Variants in UBFD1 observed in about 807,000 individuals in gnomAD.
The protein encoded by UBFD1 is ubiquitin family domain containing 1.
UBFD1 carries 12 observed loss-of-function variants against 35.1 expected under a neutral mutation model. The observed-to-expected ratio is 0.34, with a 90% confidence interval of 0.22 to 0.55. The LOEUF (loss-of-function observed/expected upper bound fraction) is 0.55. Among genes scored for constraint, UBFD1 ranks in the 20% least tolerant of loss-of-function variants. The pLI is 0.89. For missense variants in UBFD1, 337 were observed against 410.8 expected (o/e 0.82, Z 1.55); for synonymous variants, 178 against 167.6 (o/e 1.06, Z -0.48).
intron 6 of UBFD1, 95 bp from the exon 7 acceptor site, chr16:23,570,385 A>G: frequency 1.0e-5 from 9 of 882,808 alleles, no homozygotes; most frequent in Non-Finnish European, 1.3e-5. Flanking sequence ...TTCCCTTTTT[A>G]ATTAACTCAC....
intron 3 of UBFD1, among the ~76,000 whole-genome samples, chr16:23,561,086 C>T (rs559961962): frequency 6.6e-6 from 1 of 152,288 alleles, no homozygotes; most frequent in African/African-American, 2.4e-5. Flanking sequence ...AGGTGTGACT[C>T]GAATTGTACT....
chr16:23,560,270 G>A (rs1347472002), intron 3 of UBFD1, among the ~76,000 whole-genome samples: 2 of 152,142 alleles, frequency 1.3e-5, no homozygotes, highest in East Asian at 3.8e-4. Flanking sequence ...CTTGTCTTGT[G>A]CTCATCATAG....
At chr16:23,558,381 C>A (rs1217470591) in intron 2 of UBFD1, 102 bp downstream of exon 2, 42 of 1,412,172 alleles carry the variant, frequency 3.0e-5, no homozygotes, top group Non-Finnish European at 3.9e-5. Context: ...CAGGTCCCCC[C>A]ATCCTTACAG....
chr16:23,567,128 G>C, intron 6 of UBFD1, 59 bp downstream of exon 6: 1 of 1,529,794 alleles, frequency 6.5e-7, no homozygotes, highest in Non-Finnish European at 9.0e-7. Context: ...ACCTGGCAGG[G>C]AACAGTTTTA....
At chr16:23,563,362 C>A (rs1965965991) in intron 5 of UBFD1, among the ~76,000 whole-genome samples, 1 of 152,046 alleles carries the variant, frequency 6.6e-6, no homozygotes, top group Admixed American at 6.6e-5. Context: ...GCCTGCCCCA[C>A]CCCCGCCTGT....
rs1371189385 is a variant in UBFD1, at chr16:23,573,825, G to C, written c.*3235G>C. 1.3e-5 allele frequency: 2 copies of C among 152,590 alleles called. No individual in the cohort carries two copies. Among genetic ancestry groups the C allele is most frequent in the African/African-American group, 2.4e-5 (1 of 41,446 alleles). The allele number at this position is 152,590 out of a possible 1,614,324, so 9.5% of individuals were successfully genotyped here. ...CTTGCCCAGCCTTTCTTTGCCAGGG[G>C]CAGAGAAGGGAAAGGGGGTAGATTG... On this transcript the variant is annotated 3_prime_UTR_variant, in exon 7 of 7. Transcript: ENST00000395878.
chr16:23,562,285 C>A lies in UBFD1; in HGVS notation c.630+14C>A, dbSNP rs778254235. ...AAGGGGGCCCAGGTAAGGCGGATTT[C>A]TTTGTGAGCATTCTGAAAATGAGGC... On this transcript the variant is annotated intron_variant, in intron 4 of 6. Transcript: ENST00000395878. The A allele has an allele frequency of 1.2e-6, 2 of 1,612,830 alleles. No homozygotes were observed. The highest frequency in any genetic ancestry group is 1.1e-5 in the South Asian group (1 of 90,920).
chr16:23,562,555 A>G, intron 4 of UBFD1, 70 bp from the exon 5 acceptor site: 1 of 1,438,136 alleles, frequency 7.0e-7, no homozygotes, highest in Non-Finnish European at 9.6e-7. Flanking sequence ...GGCGTGAGCC[A>G]CCGCGCTTGG....
intron 5 of UBFD1, chr16:23,565,243 GAGTA>G (rs1056860280): frequency 2.6e-5 from 4 of 152,314 alleles, no homozygotes; most frequent in Admixed American, 2.0e-4. Context: ...GCGCTTTGCT[GAGTA>G]AGTGACCCTT....
At position 23,567,141 on chromosome 16, in the gene UBFD1, T is replaced by C. The variant is rs931253138; in HGVS notation, c.819+72T>C. 44 of 1,427,182 alleles carry C rather than the reference T, an allele frequency of 3.1e-5. 1 individual carries two copies. Among genetic ancestry groups the C allele is most frequent in the South Asian group, 1.9e-4 (16 of 83,288 alleles). 88.4% of individuals were successfully genotyped at this position (1,427,182 alleles called of 1,614,324 possible). On this transcript the variant is annotated intron_variant, in intron 6 of 6. Coordinates refer to ENST00000395878, the MANE Select transcript of UBFD1 (RefSeq NM_019116.3). ...TCACCTGGCAGGGAACAGTTTTAAC[T>C]GAGCTTGTTTAACGGAAGAAAACTC...
chr16:23,559,857 C>T (rs1965903813), intron 3 of UBFD1, 181 bp downstream of exon 3: 1 of 1,535,314 alleles, frequency 6.5e-7, no homozygotes, highest in South Asian at 1.2e-5. Context: ...GCAACTTTGT[C>T]TCATCTGGCG....
chr16:23,567,076 A>C lies in UBFD1; in HGVS notation c.819+7A>C, dbSNP rs1322933777. On this transcript the variant is annotated splice_region_variant and intron_variant, in intron 6 of 6. Coordinates refer to ENST00000395878, the MANE Select transcript of UBFD1 (RefSeq NM_019116.3). ...TGAAGACTACCACATGATGGTAAGT[A>C]GCGCTGGCTGAGTTCAGCCCCTCTC... 1 of 1,613,946 alleles carries C rather than the reference A, an allele frequency of 6.2e-7. No individual in the cohort carries two copies. Among genetic ancestry groups the C allele is most frequent in the South Asian group, 1.1e-5 (1 of 91,074 alleles).
chr16:23,565,647 C>T (rs1014399809), intron 5 of UBFD1: 1 of 152,196 alleles, frequency 6.6e-6, no homozygotes, highest in African/African-American at 2.4e-5. Flanking sequence ...CCCTTCTCCC[C>T]AGCCCCCATT....
In UBFD1 at chr16:23,573,007, T is replaced by C. The variant is rs1444785687; in HGVS notation, c.*2417T>C. 2 of 152,242 alleles carry C rather than the reference T, an allele frequency of 1.3e-5. No homozygotes were observed. The highest frequency in any genetic ancestry group is 1.3e-4 in the Admixed American group (2 of 15,286). 9.4% of individuals were successfully genotyped at this position (152,242 alleles called of 1,614,324 possible). ...GTCTGGGCCACAGTAGTATTCACTGTTTAGTCTTTGAGTTCCGTAAGCAGT... is the reference window on the plus strand; with the variant it reads ...GTCTGGGCCACAGTAGTATTCACTGCTTAGTCTTTGAGTTCCGTAAGCAGT... On this transcript the variant is annotated 3_prime_UTR_variant, in exon 7 of 7. Coordinates refer to ENST00000395878, the MANE Select transcript of UBFD1 (RefSeq NM_019116.3).
Position 23,562,617 on chromosome 16 carries a change from G to C in UBFD1, c.631-8G>C, listed in dbSNP as rs1360729869. On this transcript the variant is annotated splice_polypyrimidine_tract_variant and splice_region_variant and intron_variant, in intron 4 of 6. Coordinates refer to ENST00000395878, the MANE Select transcript of UBFD1 (RefSeq NM_019116.3). ...CCTCCATCTCTTACCATTCTCTCGT[G>C]CCTTCAGGAGCGCCTGCCAACGGTA... 1 of 1,612,954 alleles carries C rather than the reference G, an allele frequency of 6.2e-7. No individual in the cohort carries two copies. Among genetic ancestry groups the C allele is most frequent in the Admixed American group, 1.7e-5 (1 of 59,740 alleles).
At chr16:23,561,589 C>G (rs775604886) in intron 3 of UBFD1, 1 of 152,184 alleles carries the variant, frequency 6.6e-6, no homozygotes, top group Non-Finnish European at 1.5e-5. Flanking sequence ...GTGGCTCTTC[C>G]AGGTTCCTGT....
At chr16:23,568,766 T>G (rs569577367) in intron 6 of UBFD1, 5 of 151,876 alleles carry the variant, frequency 3.3e-5, no homozygotes, top group Admixed American at 3.3e-4. Context: ...AGGCGAAGGT[T>G]GTAGTGAGCA....
intron 2 of UBFD1, 127 bp downstream of exon 2, chr16:23,558,406 A>G (rs1294426799): frequency 8.4e-7 from 1 of 1,183,474 alleles, no homozygotes; most frequent in Non-Finnish European, 1.1e-6. Context: ...CTTCTGAAGG[A>G]TACTTGGATG....
At chr16:23,560,874 G>A (rs2142212253) in intron 3 of UBFD1, among the ~76,000 whole-genome samples, 1 of 152,278 alleles carries the variant, frequency 6.6e-6, no homozygotes, top group South Asian at 2.1e-4. Context: ...AACCGATTGA[G>A]TTTCTTCTCA....
Sources: allele counts gnomAD v4.1 joint callset (sites outside exome capture counted in the v4.1 genomes callset), GRCh38; gene constraint gnomAD v4.1.1; transcripts MANE v1.5; gene names NCBI Gene and HGNC (gene_info 2026-07-23, HGNC 2026-07-21).